EHBP1: variants seen among roughly 807,000 people sequenced by gnomAD.
EHBP1 encodes the protein EH domain-binding protein 1.
A neutral mutation model predicts 144.0 loss-of-function variants in EHBP1; 55 were observed. The observed-to-expected ratio is 0.38, with a 90% CI of 0.31 to 0.48. The LOEUF (loss-of-function observed/expected upper bound fraction) is 0.48, where lower values mean the gene tolerates loss of function less well. EHBP1 is among the 20% of genes least tolerant of loss of function. The pLI is 0.98. For synonymous variants in EHBP1, 469 were observed against 472.7 expected, an observed-to-expected ratio of 0.99 and a Z score of 0.10; for missense variants, 1,200 against 1,364.2, an observed-to-expected ratio of 0.88 and a Z score of 1.90.
chr2:62,893,343 T>A (rs1213921721), intron 10 of EHBP1, among the ~76,000 whole-genome samples: 2 of 152,190 alleles, frequency 1.3e-5, no homozygotes, highest in African/African-American at 4.8e-5. Flanking sequence ...AACTTTTTTT[T>A]AAACGGTGTG....
chr2:62,891,102 G>A (rs1164516731), intron 10 of EHBP1, among the ~76,000 whole-genome samples: 2 of 151,442 alleles, frequency 1.3e-5, no homozygotes, highest in African/African-American at 2.4e-5. Context: ...CACTTGACCC[G>A]GGAGGCGGAG....
chr2:62,912,028 G>GA (rs1328070044), intron 10 of EHBP1, among the ~76,000 whole-genome samples: 1 of 152,058 alleles, frequency 6.6e-6, no homozygotes, highest in Non-Finnish European at 1.5e-5. Context: ...ATGGCACCTA[G>GA]ATTCTTTAAT....
intron 5 of EHBP1, among the ~76,000 whole-genome samples, chr2:62,778,074 G>C (rs182731826): frequency 7.9e-5 from 12 of 152,176 alleles, no homozygotes; most frequent in Middle Eastern, 6.8e-3. Context: ...GTGTTTTCTT[G>C]GTGCTACCTA....
At chr2:62,978,347 C>T (rs1463827385) in intron 14 of EHBP1, among the ~76,000 whole-genome samples, 6 of 151,828 alleles carry the variant, frequency 4.0e-5, no homozygotes, top group African/African-American at 7.3e-5. Flanking sequence ...ACTACAGGCA[C>T]GTGCCACCAT....
At chr2:62,717,475 C>G (rs933855871) in intron 2 of EHBP1, among the ~76,000 whole-genome samples, 4 of 152,136 alleles carry the variant, frequency 2.6e-5, no homozygotes, top group Non-Finnish European at 4.4e-5. Flanking sequence ...TACATTAGGA[C>G]TTTTGCACAT....
upstream of EHBP1, among the ~76,000 whole-genome samples, chr2:62,702,976 C>T (rs1477368079): frequency 6.6e-6 from 1 of 152,136 alleles, no homozygotes; most frequent in Admixed American, 6.5e-5. Context: ...ACACACCGAA[C>T]ATGTTCCTGA....
intron 10 of EHBP1, among the ~76,000 whole-genome samples, chr2:62,931,120 A>G (rs555025671): frequency 4.6e-5 from 7 of 152,346 alleles, no homozygotes; most frequent in South Asian, 2.1e-4. Context: ...TTAAAATAAC[A>G]TATCTGTTAA....
At chr2:62,885,362 T>G (rs940650376) in intron 10 of EHBP1, among the ~76,000 whole-genome samples, 6 of 152,170 alleles carry the variant, frequency 3.9e-5, no homozygotes, top group Non-Finnish European at 8.8e-5. Flanking sequence ...ACCATTGATT[T>G]CCATGTTTGT....
At chr2:62,754,809 G>T (rs771146161) in intron 3 of EHBP1, among the ~76,000 whole-genome samples, 3 of 152,212 alleles carry the variant, frequency 2.0e-5, no homozygotes, top group Non-Finnish European at 4.4e-5. Flanking sequence ...ATAATCTCCT[G>T]GTGTGCCGTT....
chr2:62,854,594 C>T (rs771300114), intron 7 of EHBP1, among the ~76,000 whole-genome samples: 4 of 152,088 alleles, frequency 2.6e-5, no homozygotes, highest in Admixed American at 1.3e-4. Context: ...GGGGAACAAC[C>T]GGGTGGAGCA....
intron 5 of EHBP1, among the ~76,000 whole-genome samples, chr2:62,816,024 A>G (rs1181425635): frequency 6.6e-6 from 1 of 152,226 alleles, no homozygotes; most frequent in Non-Finnish European, 1.5e-5. Context: ...AGCCTTTAAG[A>G]AACTACTACT....
At chr2:62,834,919 T>C (rs781415978) in intron 7 of EHBP1, among the ~76,000 whole-genome samples, 1 of 152,222 alleles carries the variant, frequency 6.6e-6, no homozygotes, top group African/African-American at 2.4e-5. Context: ...CAATCTTCCA[T>C]CTCCACGAAG....
chr2:62,686,143 A>G (rs533378360), intron 1 of EHBP1, among the ~76,000 whole-genome samples: 1 of 152,304 alleles, frequency 6.6e-6, no homozygotes, highest in South Asian at 2.1e-4. Flanking sequence ...ATGACATGCC[A>G]TTGGAAATGC....
chr2:63,041,828 C>G (rs2061671377), intron 21 of EHBP1, among the ~76,000 whole-genome samples: 1 of 152,122 alleles, frequency 6.6e-6, no homozygotes, highest in Admixed American at 6.6e-5. Context: ...ATCAAAGTGC[C>G]AGGCTTATTT....
intron 8 of EHBP1, among the ~76,000 whole-genome samples, chr2:62,862,814 C>A (rs1231151860): frequency 6.6e-6 from 1 of 152,106 alleles, no homozygotes; most frequent in East Asian, 1.9e-4. Flanking sequence ...TGACTTTTGG[C>A]TCACTGAAAT....
At chr2:63,036,513 T>C (rs976765112) in intron 19 of EHBP1, among the ~76,000 whole-genome samples, 3 of 151,974 alleles carry the variant, frequency 2.0e-5, no homozygotes, top group African/African-American at 7.2e-5. Context: ...AATTATTTAA[T>C]TTTTAATAGA....
intron 19 of EHBP1, among the ~76,000 whole-genome samples, chr2:62,999,887 G>A (rs2059781511): frequency 6.6e-6 from 1 of 152,120 alleles, no homozygotes; most frequent in South Asian, 2.1e-4. Context: ...GAGTTGTGAG[G>A]TTAAGGTAGA....
chr2:62,842,431 C>A (rs1272652743), intron 7 of EHBP1, among the ~76,000 whole-genome samples: 1 of 152,128 alleles, frequency 6.6e-6, no homozygotes, highest in African/African-American at 2.4e-5. Context: ...GAGGGCAGAT[C>A]CCTCATGAAC....
chr2:62,979,476 A>G (rs2058864660), intron 15 of EHBP1, 141 bp downstream of exon 15: 2 of 849,884 alleles, frequency 2.4e-6, no homozygotes, highest in South Asian at 6.0e-5. Flanking sequence ...AAACACCTAA[A>G]GGAAGCATAG....
Sources: gnomAD v4.1 joint callset for allele counts (sites outside exome capture counted in the v4.1 genomes callset) on GRCh38, gnomAD v4.1.1 for gene constraint, MANE v1.5 for transcripts, NCBI Gene and HGNC (gene_info 2026-07-23, HGNC 2026-07-21) for gene names.